The following MGST2 variants were observed in gnomAD, a reference collection of about 807,000 sequenced individuals.
MGST2 encodes glutathione peroxidase MGST2.
In MGST2, 9 loss-of-function variants were observed where a neutral mutation model predicts 16.6. The ratio of observed to expected loss-of-function variants is 0.54; its 90% confidence interval spans 0.33 to 0.95. The LOEUF is 0.95. MGST2 is among the 40% of genes least tolerant of loss of function. The probability of loss-of-function intolerance (pLI) is 0.03; values close to 1 mark genes in which losing one functional copy is unlikely to be tolerated. For synonymous variants in MGST2, 79 were observed against 68.0 expected, an observed-to-expected ratio of 1.16 and a Z score of -0.79; for missense variants, 159 against 175.1, an observed-to-expected ratio of 0.91 and a Z score of 0.52.
chr4:139,749,988 T>C, the MGST2 span, among the ~76,000 whole-genome samples: 1 of 150,644 alleles, frequency 6.6e-6, no homozygotes, highest in Non-Finnish European at 1.5e-5. Flanking sequence ...TTCATTAATA[T>C]GGATGGATTA....
chr4:139,730,430 T>TCTGCTGCTG, intron 5 of MGST2: 1 of 1,456,116 alleles, frequency 6.9e-7, no homozygotes, highest in Non-Finnish European at 9.3e-7. Flanking sequence ...TCCGCCAAAA[T>TCTGCTGCTG]CTGCTGCTGC....
chr4:139,681,590 A>T, intron 2 of MGST2, among the ~76,000 whole-genome samples: 1 of 152,138 alleles, frequency 6.6e-6, no homozygotes, highest in African/African-American at 2.4e-5. Context: ...GTTGGTGCTG[A>T]TGTTAAACCG....
chr4:139,686,313 A>G (rs931283677), intron 2 of MGST2, among the ~76,000 whole-genome samples: 2 of 152,230 alleles, frequency 1.3e-5, no homozygotes, highest in Non-Finnish European at 2.9e-5. Context: ...TTGTTTGCAG[A>G]GGAAGCCTTC....
At chr4:139,701,336 A>G (rs938940689) in intron 3 of MGST2, among the ~76,000 whole-genome samples, 12 of 152,138 alleles carry the variant, frequency 7.9e-5, no homozygotes, top group South Asian at 4.1e-4. Context: ...ACTGAGAACC[A>G]TGTTCAGAAC....
Position 139,678,583 on chromosome 4 carries a change from C to T in MGST2, c.99C>T (p.Tyr33=), listed in dbSNP as rs1731079887. 2 of 1,614,104 alleles carry T rather than the reference C, an allele frequency of 1.2e-6. No individual in the cohort carries two copies. Among genetic ancestry groups the T allele is most frequent in the African/African-American group, 2.7e-5 (2 of 75,028 alleles). ...AAGTTGGAAAGGCAAGATTAAAATA[C>T]AAAGTTACGCCCCCAGCAGTCACTG... ...ALQVGKARLK[Y]KVTPPAVTGS... Residue 33 remains tyrosine (Y), a synonymous_variant, in exon 2 of 5, where the codon TAC becomes TAT. Coordinates refer to ENST00000265498, the MANE Select transcript of MGST2 (RefSeq NM_002413.5).
At chr4:139,748,320 C>T in the MGST2 span, among the ~76,000 whole-genome samples, 1 of 152,108 alleles carries the variant, frequency 6.6e-6, no homozygotes, top group African/African-American at 2.4e-5. Context: ...CTATCACTTT[C>T]CTTTCAGGGG....
At chr4:139,692,095 G>A (rs186775398) in intron 2 of MGST2, among the ~76,000 whole-genome samples, 23 of 152,304 alleles carry the variant, frequency 1.5e-4, no homozygotes, top group African/African-American at 5.3e-4. Context: ...AGAGGGACCA[G>A]GGTGAAAGTA....
intron 3 of MGST2, 142 bp downstream of exon 3, chr4:139,695,409 G>T (rs1361259871): frequency 1.4e-6 from 1 of 700,176 alleles, no homozygotes. Context: ...ATCACCTGAG[G>T]TCAGGAGTTC....
chr4:139,709,121 C>T (rs796517530), downstream of MGST2, among the ~76,000 whole-genome samples: 6 of 110,388 alleles, frequency 5.4e-5, no homozygotes, highest in Admixed American at 1.4e-4. Context: ...CTCACTCTGT[C>T]GCCCAGGCCG....
At chr4:139,676,379 C>T (rs1371263937) in intron 1 of MGST2, among the ~76,000 whole-genome samples, 5 of 152,156 alleles carry the variant, frequency 3.3e-5, no homozygotes, top group Non-Finnish European at 7.3e-5. Context: ...CACATAGACA[C>T]ACACACGGAG....
intron 2 of MGST2, 97 bp downstream of exon 2, chr4:139,678,739 A>G: frequency 1.1e-6 from 1 of 915,992 alleles, no homozygotes. Context: ...CCCTAAGTTC[A>G]TGTGCAATAT....
intron 5 of MGST2, among the ~76,000 whole-genome samples, chr4:139,728,537 C>T (rs1434260722): frequency 6.6e-5 from 10 of 152,166 alleles, no homozygotes; most frequent in African/African-American, 2.4e-4. Context: ...GTGGTTTTTC[C>T]AAAATCACAT....
In MGST2 at chr4:139,735,090, C is replaced by G. The variant is rs114322631; in HGVS notation, c.*49-5122C>G. Among the ~76,000 whole-genome samples, 56 of 152,320 alleles carry G rather than the reference C, an allele frequency of 3.7e-4. No homozygotes were observed. Among genetic ancestry groups the G allele is most frequent in the African/African-American group, 1.3e-3 (54 of 41,582 alleles). On this transcript the variant is annotated intron_variant, in intron 5 of 5. Coordinates refer to the MGST2 transcript ENST00000616265. The surrounding 1 kb of genome is among the most constrained non-coding windows in gnomAD (Gnocchi z 5.8). ...GCCCCTCCGCGGCCCCCGCCCCGCG[C>G]GTCTGGGCGAGCGCTGCGAACGTGG...
At chr4:139,701,820 G>C (rs1727264894) in intron 3 of MGST2, among the ~76,000 whole-genome samples, 1 of 151,766 alleles carries the variant, frequency 6.6e-6, no homozygotes, top group South Asian at 2.1e-4. Flanking sequence ...TTAAAAAATT[G>C]GCCAGGCCTG....
chr4:139,719,890 C>T (rs746554072), intron 5 of MGST2: 1 of 1,613,996 alleles, frequency 6.2e-7, no homozygotes, highest in Non-Finnish European at 8.5e-7. Context: ...CCATAAGGCT[C>T]TGCAGCCTTG....
At chr4:139,747,357 C>T in the MGST2 span, among the ~76,000 whole-genome samples, 1 of 152,170 alleles carries the variant, frequency 6.6e-6, no homozygotes, top group Non-Finnish European at 1.5e-5. Flanking sequence ...GCATGCATCT[C>T]TTTAGTTAGA....
Position 139,691,158 on chromosome 4 carries a change from G to A in MGST2, c.159-4039G>A, listed in dbSNP as rs8192089. Among the ~76,000 whole-genome samples the A allele has an allele frequency of 3.2e-3, 494 of 152,320 alleles. 3 individuals carry two copies. The highest frequency in any genetic ancestry group is 0.011 in the African/African-American group (474 of 41,560). ...CAGCCTGTTTTCCCATGGACAGCCT[G>A]TTTTTCCAGTATGGACATGCAGAGA... On this transcript the variant is annotated intron_variant, in intron 2 of 4. Transcript: ENST00000265498.
the MGST2 span, among the ~76,000 whole-genome samples, chr4:139,753,722 T>C: frequency 2.0e-5 from 3 of 152,176 alleles, no homozygotes; most frequent in Non-Finnish European, 2.9e-5. Context: ...TGTTAAACTA[T>C]CAAAGCTTAG....
chr4:139,691,292 C>T (rs111974594), intron 2 of MGST2, among the ~76,000 whole-genome samples: 7 of 152,228 alleles, frequency 4.6e-5, no homozygotes, highest in African/African-American at 1.7e-4. Flanking sequence ...CTGAGGATCC[C>T]CTGTAATAAG....
Sources: gnomAD v4.1 joint callset for allele counts (sites outside exome capture counted in the v4.1 genomes callset) on GRCh38, gnomAD v4.1.1 for gene constraint, Gnocchi (gnomAD v3.1) non-coding constraint, MANE v1.5 for transcripts, NCBI Gene and HGNC (gene_info 2026-07-23, HGNC 2026-07-21) for gene names.